Variants in GMDS observed in about 807,000 individuals in gnomAD.
GMDS encodes the protein GDP-mannose 4,6-dehydratase.
In GMDS, 20 loss-of-function variants were observed where a neutral mutation model predicts 49.9. The observed-to-expected ratio is 0.40, with a 90% CI of 0.28 to 0.58. GMDS has a LOEUF of 0.58. GMDS is among the 20% of genes least tolerant of loss of function. The pLI, the probability that GMDS is intolerant of heterozygous loss-of-function variation, is 0.42. For synonymous variants in GMDS, 177 were observed against 178.6 expected, an observed-to-expected ratio of 0.99 and a Z score of 0.07; for missense variants, 362 against 481.4, an observed-to-expected ratio of 0.75 and a Z score of 2.32.
chr6:1,863,066 A>G (rs1758270010), intron 7 of GMDS, among the ~76,000 whole-genome samples: 1 of 152,206 alleles, frequency 6.6e-6, no homozygotes, highest in Admixed American at 6.5e-5. Context: ...CCTGCAGAAA[A>G]AAGAAGCTTT....
At chr6:1,889,858 C>A (rs1211834650) in intron 7 of GMDS, among the ~76,000 whole-genome samples, 1 of 152,136 alleles carries the variant, frequency 6.6e-6, no homozygotes, top group East Asian at 1.9e-4. Flanking sequence ...TAAATGGAAT[C>A]ATATAATATG....
At chr6:2,083,274 C>T (rs1772822070) in intron 4 of GMDS, among the ~76,000 whole-genome samples, 2 of 152,146 alleles carry the variant, frequency 1.3e-5, no homozygotes, top group Admixed American at 6.5e-5. Flanking sequence ...ACTTTCACAT[C>T]CATACAGCTT....
intron 4 of GMDS, among the ~76,000 whole-genome samples, chr6:2,057,007 A>C (rs1770818915): frequency 6.6e-6 from 1 of 152,234 alleles, no homozygotes; most frequent in Non-Finnish European, 1.5e-5. Context: ...ATATGAATAC[A>C]CTGTGAAATG....
At chr6:1,631,720 G>T (rs1213953522) in intron 9 of GMDS, among the ~76,000 whole-genome samples, 1 of 151,790 alleles carries the variant, frequency 6.6e-6, no homozygotes, top group Non-Finnish European at 1.5e-5. Flanking sequence ...ATTCAAACAG[G>T]GTCTATCAAA....
At chr6:2,244,837 G>T (rs1175490051) in intron 1 of GMDS, among the ~76,000 whole-genome samples, 1 of 152,196 alleles carries the variant, frequency 6.6e-6, no homozygotes, top group Non-Finnish European at 1.5e-5. Context: ...TGGAAATCCG[G>T]TGATAGGGGA....
intron 7 of GMDS, among the ~76,000 whole-genome samples, chr6:1,848,471 G>T (rs901496667): frequency 6.6e-6 from 1 of 152,102 alleles, no homozygotes; most frequent in African/African-American, 2.4e-5. Flanking sequence ...GAAAACTCTC[G>T]TCACCTCTCT....
chr6:2,100,715 T>TA (rs1340140637), intron 4 of GMDS, among the ~76,000 whole-genome samples: 3 of 151,892 alleles, frequency 2.0e-5, no homozygotes, highest in South Asian at 2.1e-4. Context: ...GAGCTAATGT[T>TA]AAAAAAACTC....
intron 1 of GMDS, among the ~76,000 whole-genome samples, chr6:2,238,838 A>G (rs995669172): frequency 6.7e-6 from 1 of 148,370 alleles, no homozygotes; most frequent in Non-Finnish European, 1.5e-5. Flanking sequence ...ATTATTATGT[A>G]CCAGTTAAAA....
At chr6:1,813,296 G>A (rs1770523051) in intron 7 of GMDS, among the ~76,000 whole-genome samples, 1 of 143,954 alleles carries the variant, frequency 6.9e-6, no homozygotes, top group African/African-American at 2.6e-5. Context: ...GAATCAATAT[G>A]TTTTCAAGAA....
intron 9 of GMDS, among the ~76,000 whole-genome samples, chr6:1,662,498 G>A (rs1764112448): frequency 6.6e-6 from 1 of 152,140 alleles, no homozygotes; most frequent in Non-Finnish European, 1.5e-5. Context: ...TGGAATCCAA[G>A]GATTAGAGTT....
intron 7 of GMDS, among the ~76,000 whole-genome samples, chr6:1,745,935 T>G (rs141725318): frequency 6.6e-6 from 1 of 152,322 alleles, no homozygotes; most frequent in East Asian, 1.9e-4. Flanking sequence ...CGAGGCTGAG[T>G]GCATCCCGTC....
At chr6:1,985,959 A>T (rs1765519862) in intron 4 of GMDS, among the ~76,000 whole-genome samples, 1 of 152,256 alleles carries the variant, frequency 6.6e-6, no homozygotes, top group Non-Finnish European at 1.5e-5. Context: ...TCCATAATAC[A>T]AGAACCACTT....
At chr6:1,745,327 TGGGTC>T (rs1767442995) in intron 7 of GMDS, among the ~76,000 whole-genome samples, 1 of 149,620 alleles carries the variant, frequency 6.7e-6, no homozygotes, top group Non-Finnish European at 1.5e-5. Context: ...TGGCTACTGG[TGGGTC>T]ACTTGGAGAA....
At chr6:2,103,150 T>A (rs542315310) in intron 4 of GMDS, among the ~76,000 whole-genome samples, 1 of 152,316 alleles carries the variant, frequency 6.6e-6, no homozygotes, top group Non-Finnish European at 1.5e-5. Context: ...CGTACGATGC[T>A]GGAAACCACC....
intron 7 of GMDS, among the ~76,000 whole-genome samples, chr6:1,751,997 C>T (rs1767753862): frequency 6.6e-6 from 1 of 152,142 alleles, no homozygotes; most frequent in Non-Finnish European, 1.5e-5. Flanking sequence ...ATCACAACTC[C>T]TCGGCAGCAA....
chr6:2,192,539 A>G (rs1176684726), intron 1 of GMDS, among the ~76,000 whole-genome samples: 5 of 152,198 alleles, frequency 3.3e-5, no homozygotes, highest in Non-Finnish European at 7.3e-5. Flanking sequence ...GAGCTCCCCA[A>G]GCCAGGGCTG....
At chr6:2,088,644 C>T (rs1390784222) in intron 4 of GMDS, among the ~76,000 whole-genome samples, 1 of 152,014 alleles carries the variant, frequency 6.6e-6, no homozygotes, top group African/African-American at 2.4e-5. Flanking sequence ...AATTAGAGAA[C>T]ACTGGTTCTT....
rs551267439 is a variant in GMDS, at chr6:2,065,317, C to T, written c.345+50454G>A. ...CCAAAAGTAGATAAAACCACAAAGA[C>T]GGGGAAAAAACACAGCAGAAAAACT... On this transcript the variant is annotated intron_variant, in intron 4 of 10. Transcript: ENST00000380815. Among the ~76,000 whole-genome samples, 70 of 152,170 alleles carry T rather than the reference C, an allele frequency of 4.6e-4. No individual in the cohort carries two copies. In the Middle Eastern group the frequency reaches 0.01, roughly 22 times the overall value.
At chr6:1,647,878 C>G (rs1320974291) in intron 9 of GMDS, among the ~76,000 whole-genome samples, 2 of 152,216 alleles carry the variant, frequency 1.3e-5, no homozygotes, top group South Asian at 4.1e-4. Context: ...CAGCCGAATG[C>G]CACCTCCTCT....
Sources: allele counts gnomAD v4.1 joint callset (sites outside exome capture counted in the v4.1 genomes callset), GRCh38; gene constraint gnomAD v4.1.1; transcripts MANE v1.5; gene names NCBI Gene and HGNC (gene_info 2026-07-23, HGNC 2026-07-21).